Variants in GKAP1 observed in about 807,000 individuals in gnomAD.
GKAP1 encodes G kinase-anchoring protein 1.
Under a neutral mutation model 56.7 loss-of-function variants are expected in GKAP1, and 31 were observed. That is an observed-to-expected ratio of 0.55 (90% CI 0.41 to 0.74). The LOEUF is 0.74. GKAP1 is among the 30% of genes least tolerant of loss of function. GKAP1 has a pLI of 0.00. For missense variants in GKAP1, 364 were observed against 402.3 expected, an observed-to-expected ratio of 0.90 and a Z score of 0.82; for synonymous variants, 151 against 138.6, an observed-to-expected ratio of 1.09 and a Z score of -0.63.
intron 7 of GKAP1, among the ~76,000 whole-genome samples, chr9:83,776,055 A>G (rs898863086): frequency 6.6e-6 from 1 of 152,046 alleles, no homozygotes; most frequent in African/African-American, 2.4e-5. Flanking sequence ...GAGAGTAGGG[A>G]GTGAAATGGA....
chr9:83,764,933 T>C (rs1322980301), intron 8 of GKAP1, among the ~76,000 whole-genome samples: 1 of 152,164 alleles, frequency 6.6e-6, no homozygotes, highest in Non-Finnish European at 1.5e-5. Context: ...AAAACCCATT[T>C]TCTGGGTAGA....
At chr9:83,815,576 ACACACAC>A (rs1457201687) in intron 2 of GKAP1, among the ~76,000 whole-genome samples, 9 of 150,068 alleles carry the variant, frequency 6.0e-5, no homozygotes, top group African/African-American at 2.2e-4. Flanking sequence ...TTCAGAAAAC[ACACACAC>A]ACACACACAC....
At chr9:83,774,733 CAG>C (rs1943826693) in intron 7 of GKAP1, among the ~76,000 whole-genome samples, 1 of 91,776 alleles carries the variant, frequency 1.1e-5, no homozygotes, top group Non-Finnish European at 1.9e-5. Flanking sequence ...TTTTTTGAGA[CAG>C]AGGCTGGCTC....
At chr9:83,746,583 G>C (rs1943298849) in intron 10 of GKAP1, among the ~76,000 whole-genome samples, 1 of 152,062 alleles carries the variant, frequency 6.6e-6, no homozygotes, top group South Asian at 2.1e-4. Flanking sequence ...GGCGCCTGTA[G>C]TCCCAGCTAC....
chr9:83,748,242 T>G, intron 10 of GKAP1, 67 bp downstream of exon 10: 1 of 1,073,124 alleles, frequency 9.3e-7, no homozygotes, highest in African/African-American at 1.6e-5. Flanking sequence ...AATCACACAT[T>G]TGAAAAAGTA....
At position 83,788,607 on chromosome 9, in the gene GKAP1, G is replaced by A. The variant is rs1396471796; in HGVS notation, c.432C>T (p.His144=). The change falls in exon 5 of 13, where the codon CAC becomes CAT. Residue 144 remains histidine (H), a synonymous_variant. Coordinates refer to ENST00000376371, the MANE Select transcript of GKAP1 (RefSeq NM_025211.4). ...LLLSKLEYEE[H]KKEYEDAENT... ...TCAGTAAGTATGTAAATACCTTTTTGTGCTCTTCATATTCTAGTTTACTTA... is the reference window on the plus strand; with the variant it reads ...TCAGTAAGTATGTAAATACCTTTTTATGCTCTTCATATTCTAGTTTACTTA... 1 of 1,550,974 alleles carries A rather than the reference G, an allele frequency of 6.4e-7. No individual in the cohort carries two copies. Among genetic ancestry groups the A allele is most frequent in the Non-Finnish European group, 8.8e-7 (1 of 1,133,690 alleles).
chr9:83,747,086 T>C (rs1293780835), intron 10 of GKAP1, among the ~76,000 whole-genome samples: 1 of 152,258 alleles, frequency 6.6e-6, no homozygotes, highest in Non-Finnish European at 1.5e-5. Flanking sequence ...AGAGAAAGAT[T>C]TTCTCCTTTA....
chr9:83,795,156 C>CAAAAAAAAAAAA, intron 4 of GKAP1, among the ~76,000 whole-genome samples: 1 of 64,492 alleles, frequency 1.6e-5, no homozygotes, highest in Non-Finnish European at 3.0e-5. Context: ...GACTCCATCT[C>CAAAAAAAAAAAA]AAAAAAAAAA....
chr9:83,812,923 T>C (rs895588004), intron 2 of GKAP1, among the ~76,000 whole-genome samples: 10 of 152,146 alleles, frequency 6.6e-5, no homozygotes, highest in African/African-American at 2.4e-4. Flanking sequence ...TAACTAATTT[T>C]TCAGAATTTT....
rs772122689 is a variant in GKAP1 at position 83,742,521 on chromosome 9, G to C, written c.975+9C>G. The C allele has an allele frequency of 2.1e-5, 34 of 1,596,428 alleles. No individual in the cohort carries two copies. Among genetic ancestry groups the C allele is most frequent in the Non-Finnish European group, 2.9e-5 (34 of 1,165,744 alleles). On this transcript the variant is annotated intron_variant, in intron 11 of 12. Coordinates refer to ENST00000376371, the MANE Select transcript of GKAP1 (RefSeq NM_025211.4). Reference sequence around the variant, plus strand: ...GAAAACCAGTCATGTATGCTCCACAGTTCCTTACCTGAATAGTGAGCTCAT... The same window carrying C: ...GAAAACCAGTCATGTATGCTCCACACTTCCTTACCTGAATAGTGAGCTCAT...
chr9:83,761,231 A>T (rs1943565218), intron 8 of GKAP1, among the ~76,000 whole-genome samples: 2 of 152,064 alleles, frequency 1.3e-5, no homozygotes, highest in East Asian at 1.9e-4. Context: ...AAACACAGAT[A>T]AAAAAAGAGA....
intron 3 of GKAP1, among the ~76,000 whole-genome samples, chr9:83,804,126 G>T (rs1704356029): frequency 6.7e-6 from 1 of 148,492 alleles, no homozygotes; most frequent in African/African-American, 2.5e-5. Flanking sequence ...GGAGGTAGGG[G>T]GGTCAGCCCC....
In GKAP1 at chr9:83,742,606, A is replaced by C. The variant is rs1416097062; in HGVS notation, c.905-6T>G. 4.4e-6 allele frequency: 7 copies of C among 1,602,340 alleles called. 1 individual carries two copies. Among genetic ancestry groups the C allele is most frequent in the Non-Finnish European group, 6.0e-6 (7 of 1,172,162 alleles). Reference sequence around the variant, plus strand: ...TATTTCTGCCTTATCTTTCACTGACAAAAAAGGAAAAACAGCAGTATAGAT... The same window carrying C: ...TATTTCTGCCTTATCTTTCACTGACCAAAAAGGAAAAACAGCAGTATAGAT... On this transcript the variant is annotated splice_polypyrimidine_tract_variant and splice_region_variant and intron_variant, in intron 10 of 12. Transcript: ENST00000376371.
At chr9:83,767,890 T>C (rs1943690926) in intron 8 of GKAP1, among the ~76,000 whole-genome samples, 1 of 152,202 alleles carries the variant, frequency 6.6e-6, no homozygotes, top group African/African-American at 2.4e-5. Context: ...TTTTGCCATG[T>C]TGGCCAGGTT....
At chr9:83,751,963 T>G (rs929741170) in intron 9 of GKAP1, among the ~76,000 whole-genome samples, 4 of 152,192 alleles carry the variant, frequency 2.6e-5, no homozygotes, top group Non-Finnish European at 5.9e-5. Flanking sequence ...ATTCCACTCT[T>G]AGGTATGTAC....
intron 7 of GKAP1, among the ~76,000 whole-genome samples, chr9:83,770,946 C>T (rs913957062): frequency 1.7e-4 from 26 of 152,142 alleles, no homozygotes; most frequent in African/African-American, 5.1e-4. Flanking sequence ...CACTGTCTAT[C>T]CAATTATATA....
rs934418494 is a variant in GKAP1 at position 83,769,068 on chromosome 9, C to T, written c.586-98G>A. 6.0e-6 allele frequency: 5 copies of T among 828,904 alleles called. No individual in the cohort carries two copies. In the African/African-American group the frequency reaches 6.8e-5, roughly 11 times the overall value. The allele number at this position is 828,904 out of a possible 1,614,324, so 51.3% of individuals were successfully genotyped here. On this transcript the variant is annotated intron_variant, in intron 7 of 12. Transcript: ENST00000376371. ...CAAGAAGGGATATGCATTTAGTACA[C>T]CTAGTCAACCACTAGAAGGATAAAA...
chr9:83,784,489 A>C (rs1398122013), intron 6 of GKAP1, among the ~76,000 whole-genome samples: 1 of 152,208 alleles, frequency 6.6e-6, no homozygotes, highest in African/African-American at 2.4e-5. Flanking sequence ...CCCAGCTTCC[A>C]GAACTGTGAG....
intron 10 of GKAP1, among the ~76,000 whole-genome samples, chr9:83,744,121 C>A (rs1208434447): frequency 6.6e-6 from 1 of 152,176 alleles, no homozygotes; most frequent in Non-Finnish European, 1.5e-5. Flanking sequence ...AACCTGGGAA[C>A]TTTTACAAAT....
Sources: allele counts gnomAD v4.1 joint callset (sites outside exome capture counted in the v4.1 genomes callset), GRCh38; gene constraint gnomAD v4.1.1; transcripts MANE v1.5; gene names NCBI Gene and HGNC (gene_info 2026-07-23, HGNC 2026-07-21).